Variants in PDILT observed in about 807,000 individuals in gnomAD.
The protein encoded by PDILT is protein disulfide isomerase like, testis expressed.
In PDILT, 43 loss-of-function variants were observed where a neutral mutation model predicts 53.7. The ratio of observed to expected loss-of-function variants is 0.80; its 90% CI spans 0.63 to 1.03. The LOEUF (loss-of-function observed/expected upper bound fraction) is 1.03, where lower values mean the gene tolerates loss of function less well. Among genes scored for constraint, PDILT ranks in the 50% least tolerant of loss-of-function variants. The pLI is 0.00. For synonymous variants in PDILT, 282 were observed against 274.2 expected (o/e 1.03, Z -0.28); for missense variants, 727 against 712.3 (o/e 1.02, Z -0.24).
intron 1 of PDILT, among the ~76,000 whole-genome samples, chr16:20,401,364 G>A (rs1443510591): frequency 6.6e-6 from 1 of 152,180 alleles, no homozygotes; most frequent in Non-Finnish European, 1.5e-5. Context: ...GAGAGAAACG[G>A]CTGCCTAAGA....
intron 2 of PDILT, among the ~76,000 whole-genome samples, chr16:20,385,588 G>C (rs1171333922): frequency 6.6e-6 from 1 of 152,170 alleles, no homozygotes; most frequent in African/African-American, 2.4e-5. Context: ...CTCAGATGCG[G>C]GGAGGCTGGG....
intron 8 of PDILT, among the ~76,000 whole-genome samples, chr16:20,367,091 C>A (rs924229837): frequency 4.0e-5 from 4 of 99,328 alleles, no homozygotes; most frequent in Non-Finnish European, 6.2e-5. Flanking sequence ...TTCTTTCTTT[C>A]TTTCTTTCTT....
At chr16:20,380,228 G>A (rs903106659) in intron 3 of PDILT, among the ~76,000 whole-genome samples, 1 of 152,108 alleles carries the variant, frequency 6.6e-6, no homozygotes, top group Non-Finnish European at 1.5e-5. Flanking sequence ...AGCTCTTCAA[G>A]GGCAGTGCCT....
intron 2 of PDILT, among the ~76,000 whole-genome samples, chr16:20,398,173 T>A (rs751641053): frequency 2.7e-4 from 41 of 152,220 alleles, no homozygotes; most frequent in Non-Finnish European, 4.4e-4. Context: ...GAATGCTCAC[T>A]ATGGGGAAGT....
rs529303537 is a variant in PDILT, at chr16:20,362,658, C to T, written c.1238-76G>A. ...GCTGGCGCCACCCTACACATGGCATCGCTGTGTTCCACTTGTGGTCCTGCT... is the reference window on the plus strand; with the variant it reads ...GCTGGCGCCACCCTACACATGGCATTGCTGTGTTCCACTTGTGGTCCTGCT... On this transcript the variant is annotated intron_variant, in intron 9 of 11. Coordinates refer to ENST00000302451, the MANE Select transcript of PDILT (RefSeq NM_174924.2). 1.7e-4 allele frequency: 247 copies of T among 1,422,162 alleles called. 4 individuals carry two copies. In the South Asian group the frequency reaches 2.4e-3, roughly 14 times the overall value. 88.1% of individuals were successfully genotyped at this position (1,422,162 alleles called of 1,614,324 possible).
At chr16:20,377,635 G>A (rs73543348) in intron 3 of PDILT, among the ~76,000 whole-genome samples, 1 of 152,094 alleles carries the variant, frequency 6.6e-6, no homozygotes, top group African/African-American at 2.4e-5. Flanking sequence ...ACTTCCTGGA[G>A]GAAATTATGG....
intron 1 of PDILT, among the ~76,000 whole-genome samples, chr16:20,400,050 CTATCTA>C (rs1414330116): frequency 2.4e-5 from 3 of 123,880 alleles, no homozygotes; most frequent in Non-Finnish European, 4.8e-5. Flanking sequence ...ATCTATCTAT[CTATCTA>C]TATATATATA....
intron 2 of PDILT, among the ~76,000 whole-genome samples, chr16:20,389,330 T>A (rs776139995): frequency 1.3e-5 from 2 of 152,148 alleles, no homozygotes; most frequent in African/African-American, 4.8e-5. Context: ...TCATAAAAAG[T>A]GGGGTTATTA....
rs920330880 is a variant in PDILT, at chr16:20,365,605, A to G, written c.1117-65T>C. On this transcript the variant is annotated intron_variant, in intron 8 of 11. Transcript: ENST00000302451. ...GGGTCTTGAAGTTGTGGGGCTCCCCACCTTGATTGGAAACCACTAAAGGTT... is the reference window on the plus strand; with the variant it reads ...GGGTCTTGAAGTTGTGGGGCTCCCCGCCTTGATTGGAAACCACTAAAGGTT... 23 of 1,564,236 alleles carry G rather than the reference A, an allele frequency of 1.5e-5. No homozygotes were observed. The African/African-American group carries it at 2.6e-4, about 18-fold the overall frequency.
chr16:20,384,927 C>T, intron 2 of PDILT, 76 bp from the exon 3 acceptor site: 1 of 1,420,674 alleles, frequency 7.0e-7, no homozygotes, highest in Non-Finnish European at 9.9e-7. Context: ...TTTGTTGGGC[C>T]TGCTTAGCTC....
chr16:20,398,260 T>C (rs13336309), intron 2 of PDILT, among the ~76,000 whole-genome samples: 6,670 of 152,058 alleles, frequency 0.044, 224 homozygotes, highest in African/African-American at 0.097. Context: ...GCCTGCTCTG[T>C]CCCCCAAAAT....
chr16:20,372,762 C>A, intron 7 of PDILT, 40 bp downstream of exon 7: 1 of 1,600,264 alleles, frequency 6.2e-7, no homozygotes, highest in South Asian at 1.1e-5. Flanking sequence ...CTTGGATCCT[C>A]ATCCAGGAGT....
rs139247719 is a variant in PDILT at position 20,376,163 on chromosome 16, G to T, written c.448C>A (p.Arg150=). The change falls in exon 4 of 12, where the codon CGA becomes AGA. Residue 150 remains arginine (R), a synonymous_variant. Transcript: ENST00000302451. Reference sequence around the variant, plus strand: ...AAAAATGCTTTCTGGCTAATTTGTCGTCTCAACCAAACGACTAAGGCAGCA... The same window carrying T: ...AAAAATGCTTTCTGGCTAATTTGTCTTCTCAACCAAACGACTAAGGCAGCA... ...ESAALVVWLR[R]QISQKAFLFN... The T allele has an allele frequency of 3.8e-5, 62 of 1,614,136 alleles. No individual in the cohort carries two copies. Among genetic ancestry groups the T allele is most frequent in the African/African-American group, 1.6e-4 (12 of 75,026 alleles).
chr16:20,380,311 C>T (rs1193121759), intron 3 of PDILT, among the ~76,000 whole-genome samples: 9 of 151,996 alleles, frequency 5.9e-5, no homozygotes, highest in Non-Finnish European at 1.0e-4. Flanking sequence ...ATGACCTGTT[C>T]TATTTTCTTT....
intron 10 of PDILT, 119 bp downstream of exon 10, chr16:20,362,285 G>T: frequency 9.6e-7 from 1 of 1,043,790 alleles, no homozygotes; most frequent in Non-Finnish European, 1.4e-6. Context: ...GATGGATAGT[G>T]GCTACAGCTG....
At chr16:20,386,705 G>A (rs367642174) in intron 2 of PDILT, among the ~76,000 whole-genome samples, 1 of 152,284 alleles carries the variant, frequency 6.6e-6, no homozygotes, top group East Asian at 1.9e-4. Flanking sequence ...CATCGCCTTC[G>A]ATATCCCCTG....
At chr16:20,389,592 C>A (rs1275202430) in intron 2 of PDILT, among the ~76,000 whole-genome samples, 1 of 152,132 alleles carries the variant, frequency 6.6e-6, no homozygotes, top group Non-Finnish European at 1.5e-5. Flanking sequence ...TTATGGAGCT[C>A]TCACATGGGT....
At chr16:20,400,039 T>TATC (rs1966712708) in intron 1 of PDILT, among the ~76,000 whole-genome samples, 5 of 123,940 alleles carry the variant, frequency 4.0e-5, no homozygotes, top group Middle Eastern at 3.8e-3. Context: ...TCTATCTATC[T>TATC]ATCTATCTAT....
Position 20,373,085 on chromosome 16 carries a change from C to T in PDILT, c.719G>A (p.Ser240Asn), listed in dbSNP as rs1389425505. Residue 240 changes from serine to asparagine, a missense_variant, in exon 6 of 12, where the codon AGT (serine) becomes AAT (asparagine). Physicochemically the swap from Ser to Asn is conservative, Grantham distance 46. Coordinates refer to ENST00000302451, the MANE Select transcript of PDILT (RefSeq NM_174924.2). ...ACGATTGAGTTCCTGTTTGTTGGTACTGTCATTAATAAGCTTTTGGCGGTT... is the reference window on the plus strand; with the variant it reads ...ACGATTGAGTTCCTGTTTGTTGGTATTGTCATTAATAAGCTTTTGGCGGTT... ...IVNRQKLINDSTNKQELNRVI... is the reference protein window; with the variant it reads ...IVNRQKLINDNTNKQELNRVI... The T allele has an allele frequency of 3.1e-6, 5 of 1,613,982 alleles. No individual in the cohort carries two copies. In the South Asian group the frequency reaches 4.4e-5, roughly 14 times the overall value.
Sources: allele counts gnomAD v4.1 joint callset (sites outside exome capture counted in the v4.1 genomes callset), GRCh38; gene constraint gnomAD v4.1.1; transcripts MANE v1.5; gene names NCBI Gene and HGNC (gene_info 2026-07-23, HGNC 2026-07-21).